The following MYO16 variants were observed in gnomAD, a reference collection of about 807,000 sequenced individuals.
MYO16 encodes myosin XVI.
Under a neutral mutation model 205.3 loss-of-function variants are expected in MYO16, and 94 were observed. That is an observed-to-expected ratio of 0.46 (90% CI 0.39 to 0.54). The LOEUF (loss-of-function observed/expected upper bound fraction) is 0.54, where lower values mean the gene tolerates loss of function less well. Ranked by LOEUF, MYO16 falls within the 20% of genes least tolerant of loss-of-function variation. MYO16 has a pLI of 0.00. For synonymous variants in MYO16, 988 were observed against 954.0 expected (o/e 1.04, Z -0.66); for missense variants, 2,315 against 2,387.5 (o/e 0.97, Z 0.63).
At chr13:108,570,476 C>T in the MYO16 span, among the ~76,000 whole-genome samples, 1 of 152,152 alleles carries the variant, frequency 6.6e-6, no homozygotes, top group Non-Finnish European at 1.5e-5. Flanking sequence ...TCTAAAACTC[C>T]TGACCTCAAG....
At chr13:108,816,418 C>CCG (rs1352319153) in intron 7 of MYO16, among the ~76,000 whole-genome samples, 27 of 144,744 alleles carry the variant, frequency 1.9e-4, no homozygotes, top group Non-Finnish European at 3.7e-4. Flanking sequence ...TAGCGCCCCC[C>CCG]ACCCACCCCA....
At chr13:108,735,151 T>G (rs564053353) in intron 4 of MYO16, among the ~76,000 whole-genome samples, 3 of 152,310 alleles carry the variant, frequency 2.0e-5, no homozygotes, top group Admixed American at 2.0e-4. Context: ...CTAGGGTACA[T>G]GTGCACAACC....
intron 7 of MYO16, among the ~76,000 whole-genome samples, chr13:108,809,463 G>C (rs1229751950): frequency 6.6e-6 from 1 of 152,266 alleles, no homozygotes; most frequent in African/African-American, 2.4e-5. Flanking sequence ...CTGGGCTTCT[G>C]GGGAGGCCTC....
At chr13:108,568,108 C>A in the MYO16 span, among the ~76,000 whole-genome samples, 3 of 152,100 alleles carry the variant, frequency 2.0e-5, no homozygotes, top group Non-Finnish European at 4.4e-5. Context: ...TTCCATTTAT[C>A]AGTTGATGGA....
chr13:109,015,385 C>A (rs1328496230), intron 22 of MYO16, among the ~76,000 whole-genome samples: 2 of 152,040 alleles, frequency 1.3e-5, no homozygotes, highest in Non-Finnish European at 2.9e-5. Context: ...TGAGGATTTT[C>A]GCATCGATGT....
intron 12 of MYO16, among the ~76,000 whole-genome samples, chr13:108,873,423 G>T (rs908917763): frequency 1.3e-5 from 2 of 152,226 alleles, no homozygotes; most frequent in African/African-American, 4.8e-5. Context: ...CATGGACGGA[G>T]AACACTCTTG....
At chr13:109,063,686 A>T (rs1409030394) in intron 27 of MYO16, among the ~76,000 whole-genome samples, 3 of 152,118 alleles carry the variant, frequency 2.0e-5, no homozygotes, top group African/African-American at 7.2e-5. Context: ...ACCCCAACTA[A>T]AACAGCCGTG....
At chr13:108,674,422 A>G (rs1391546581) in intron 2 of MYO16, among the ~76,000 whole-genome samples, 1 of 152,182 alleles carries the variant, frequency 6.6e-6, no homozygotes, top group Non-Finnish European at 1.5e-5. Flanking sequence ...ACTAGCATTT[A>G]GTGAGTGCTG....
the MYO16 span, among the ~76,000 whole-genome samples, chr13:108,535,567 C>T: frequency 6.6e-6 from 1 of 152,144 alleles, no homozygotes; most frequent in East Asian, 1.9e-4. Context: ...TATGCCATTT[C>T]CCTTTCAGAG....
intron 27 of MYO16, among the ~76,000 whole-genome samples, chr13:109,078,646 A>C (rs1275651555): frequency 6.6e-6 from 1 of 152,068 alleles, no homozygotes; most frequent in Non-Finnish European, 1.5e-5. Flanking sequence ...ACATTTTTAT[A>C]CTTCTATTAA....
chr13:108,498,098 G>A, the MYO16 span, among the ~76,000 whole-genome samples: 1 of 152,176 alleles, frequency 6.6e-6, no homozygotes, highest in African/African-American at 2.4e-5. Flanking sequence ...TACGGCATTG[G>A]AACTGTGATA....
At chr13:108,615,702 G>A (rs993391816) in intron 1 of MYO16, among the ~76,000 whole-genome samples, 3 of 152,022 alleles carry the variant, frequency 2.0e-5, no homozygotes, top group Non-Finnish European at 4.4e-5. Context: ...GACACAAAAG[G>A]CCACATATGG....
chr13:109,073,839 C>T (rs992641843), intron 27 of MYO16, among the ~76,000 whole-genome samples: 1 of 152,208 alleles, frequency 6.6e-6, no homozygotes, highest in African/African-American at 2.4e-5. Flanking sequence ...TGGCCAGACA[C>T]TGTGAAAGCG....
At chr13:109,201,187 T>C (rs1452404882) in intron 34 of MYO16, among the ~76,000 whole-genome samples, 1 of 152,162 alleles carries the variant, frequency 6.6e-6, no homozygotes, top group Non-Finnish European at 1.5e-5. Context: ...TTAAATATTA[T>C]ATTATTCTTT....
At chr13:108,910,230 T>C in intron 16 of MYO16, 80 bp downstream of exon 16, 1 of 1,428,890 alleles carries the variant, frequency 7.0e-7, no homozygotes, top group Admixed American at 1.9e-5. Context: ...ATTATCTTCT[T>C]ACTTTTCAGA....
intron 1 of MYO16, among the ~76,000 whole-genome samples, chr13:108,622,344 C>G (rs1028006026): frequency 2.6e-5 from 4 of 152,114 alleles, no homozygotes; most frequent in Non-Finnish European, 5.9e-5. Flanking sequence ...TTACAGCTGC[C>G]ATTTCTTATC....
intron 1 of MYO16, among the ~76,000 whole-genome samples, chr13:108,603,746 C>T (rs1233412005): frequency 6.6e-6 from 1 of 152,152 alleles, no homozygotes; most frequent in Non-Finnish European, 1.5e-5. Context: ...AATAAATCAT[C>T]CTGTTACAGC....
chr13:108,982,282 T>C (rs2139416938), intron 20 of MYO16, among the ~76,000 whole-genome samples: 1 of 152,370 alleles, frequency 6.6e-6, no homozygotes, highest in African/African-American at 2.4e-5. Flanking sequence ...GTGATGGACA[T>C]GTTAATTACT....
chr13:108,833,812 AT>A (rs923041352), intron 9 of MYO16, among the ~76,000 whole-genome samples: 3 of 151,460 alleles, frequency 2.0e-5, no homozygotes, highest in South Asian at 2.1e-4. Flanking sequence ...ATTCTCATCT[AT>A]TTTTTTTCAC....
Sources: allele counts gnomAD v4.1 joint callset (sites outside exome capture counted in the v4.1 genomes callset), GRCh38; gene constraint gnomAD v4.1.1; transcripts MANE v1.5; gene names NCBI Gene and HGNC (gene_info 2026-07-23, HGNC 2026-07-21).